AAK1: variants seen among roughly 807,000 people sequenced by gnomAD.
The protein encoded by AAK1 is AP2-associated protein kinase 1.
AAK1 carries 37 observed loss-of-function variants against 116.0 expected under a neutral mutation model. The ratio of observed to expected loss-of-function variants is 0.32; its 90% CI spans 0.25 to 0.42. The LOEUF is 0.42. Among genes scored for constraint, AAK1 ranks in the 10% least tolerant of loss-of-function variants. The pLI is 1.00. For synonymous variants in AAK1, 458 were observed against 439.9 expected (o/e 1.04, Z -0.51); for missense variants, 919 against 1,170.6 (o/e 0.79, Z 3.14).
At chr2:69,603,309 G>C (rs1326741125) in intron 2 of AAK1, among the ~76,000 whole-genome samples, 1 of 152,164 alleles carries the variant, frequency 6.6e-6, no homozygotes, top group Non-Finnish European at 1.5e-5. Flanking sequence ...ACACTGTGGA[G>C]TCTTTCAAGC....
intron 2 of AAK1, among the ~76,000 whole-genome samples, chr2:69,630,698 C>CTA (rs1217927386): frequency 6.6e-6 from 1 of 152,192 alleles, no homozygotes; most frequent in African/African-American, 2.4e-5. Context: ...AATTCTCATG[C>CTA]TTTTAAACCA....
At chr2:69,501,055 T>C (rs1373752845) in intron 16 of AAK1, among the ~76,000 whole-genome samples, 5 of 152,102 alleles carry the variant, frequency 3.3e-5, no homozygotes. Flanking sequence ...GCTTATTCTG[T>C]GACCCTCTTT....
rs75439138 is a variant in AAK1, at chr2:69,542,752, A to T, written c.392-87T>A. The T allele has an allele frequency of 1.8e-3, 2,715 of 1,482,714 alleles. 3 individuals carry two copies. The highest frequency in any genetic ancestry group is 2.4e-3 in the Non-Finnish European group (2,565 of 1,090,246). The allele number at this position is 1,482,714 out of a possible 1,614,324, so 91.8% of individuals were successfully genotyped here. On this transcript the variant is annotated intron_variant, in intron 4 of 21. Transcript: ENST00000409085. ...AAGAGAATGAACGGCGTCCAAAGAG[A>T]AGCAGTCTGGACTAAGGTAACAGAG...
intron 13 of AAK1, among the ~76,000 whole-genome samples, chr2:69,510,409 A>G (rs947623332): frequency 1.1e-4 from 16 of 152,194 alleles, no homozygotes; most frequent in African/African-American, 3.9e-4. Context: ...ATAGTATTCC[A>G]TGGTATATAT....
intron 11 of AAK1, among the ~76,000 whole-genome samples, chr2:69,520,503 C>A (rs200096287): frequency 6.6e-6 from 1 of 151,878 alleles, no homozygotes; most frequent in African/African-American, 2.4e-5. Flanking sequence ...GGACTACAGG[C>A]GCACACCACA....
At chr2:69,566,087 T>C (rs1572963227) in intron 2 of AAK1, among the ~76,000 whole-genome samples, 1 of 152,198 alleles carries the variant, frequency 6.6e-6, no homozygotes, top group South Asian at 2.1e-4. Flanking sequence ...GAGAGTGTCC[T>C]CTCCATGGTG....
At chr2:69,496,956 A>T (rs1270115289) in intron 16 of AAK1, among the ~76,000 whole-genome samples, 1 of 152,102 alleles carries the variant, frequency 6.6e-6, no homozygotes, top group Non-Finnish European at 1.5e-5. Context: ...CATTCATTCT[A>T]TATTTGGCAA....
intron 2 of AAK1, among the ~76,000 whole-genome samples, chr2:69,559,262 TCA>T (rs375580392): frequency 0.041 from 5,239 of 127,044 alleles, 130 homozygotes; most frequent in African/African-American, 0.064. Flanking sequence ...TCTCTCTCTC[TCA>T]CACACACACA....
At chr2:69,552,659 C>T (rs765849202) in intron 3 of AAK1, among the ~76,000 whole-genome samples, 3 of 151,630 alleles carry the variant, frequency 2.0e-5, no homozygotes, top group Admixed American at 6.6e-5. Context: ...TGCAGTGAGC[C>T]GGGATTGCAC....
chr2:69,472,721 C>T lies in AAK1; in HGVS notation c.*3148G>A, dbSNP rs1481556959. The T allele has an allele frequency of 1.0e-6, 1 of 985,244 alleles. No individual in the cohort carries two copies. The highest frequency in any genetic ancestry group is 1.2e-6 in the Non-Finnish European group (1 of 829,906). The allele number at this position is 985,244 out of a possible 1,614,324, so 61.0% of individuals were successfully genotyped here. ...TCCTCTTACATAGCTGGAATAAAAG[C>T]AAATCAGAAACATATGCTTATAGTA... is the stretch of plus-strand genomic sequence containing the variant. On this transcript the variant is annotated 3_prime_UTR_variant, in exon 22 of 22. Coordinates refer to ENST00000409085, the MANE Select transcript of AAK1 (RefSeq NM_014911.5).
At chr2:69,497,719 G>A (rs945238108) in intron 16 of AAK1, among the ~76,000 whole-genome samples, 1 of 151,458 alleles carries the variant, frequency 6.6e-6, no homozygotes, top group African/African-American at 2.4e-5. Flanking sequence ...TCTATAAAGT[G>A]GGTTTTTAAA....
intron 3 of AAK1, among the ~76,000 whole-genome samples, chr2:69,554,432 G>C (rs1671309002): frequency 6.6e-6 from 1 of 152,172 alleles, no homozygotes; most frequent in Non-Finnish European, 1.5e-5. Flanking sequence ...AGTTACATAG[G>C]AAAGGCATAG....
intron 18 of AAK1, chr2:69,481,840 C>CT (rs1675101058): frequency 6.6e-6 from 1 of 152,226 alleles, no homozygotes; most frequent in African/African-American, 2.4e-5. Context: ...AGATGGGTCT[C>CT]TGTCACTTAA....
intron 2 of AAK1, among the ~76,000 whole-genome samples, chr2:69,585,814 TA>T (rs954630750): frequency 2.0e-5 from 3 of 152,212 alleles, no homozygotes; most frequent in African/African-American, 7.2e-5. Flanking sequence ...CTTGTTTACA[TA>T]AACTTGAGAA....
chr2:69,627,187 G>C (rs138866402), intron 2 of AAK1, among the ~76,000 whole-genome samples: 4,355 of 151,994 alleles, frequency 0.029, 211 homozygotes, highest in African/African-American at 0.1. Context: ...TACTAGGAAG[G>C]CTGAGGCAGG....
At chr2:69,522,750 G>A (rs927145300) in intron 10 of AAK1, among the ~76,000 whole-genome samples, 3 of 151,446 alleles carry the variant, frequency 2.0e-5, no homozygotes. Flanking sequence ...GTTGCAGTGA[G>A]CCAAGATCAC....
rs1036147172 is a variant in AAK1, at chr2:69,466,624, C to T, written c.*9245G>A. ...TATTTGGAACATTTAATGGTCAACCCGCGGCAAAAACATTGTGGGACCAAA... is the reference window on the plus strand; with the variant it reads ...TATTTGGAACATTTAATGGTCAACCTGCGGCAAAAACATTGTGGGACCAAA... On this transcript the variant is annotated 3_prime_UTR_variant, in exon 22 of 22. Coordinates refer to ENST00000409085, the MANE Select transcript of AAK1 (RefSeq NM_014911.5). 1.3e-5 allele frequency: 14 copies of T among 1,082,964 alleles called. No individual in the cohort carries two copies. The highest frequency in any genetic ancestry group is 4.1e-4 in the Middle Eastern group (1 of 2,446). 67.1% of individuals were successfully genotyped at this position (1,082,964 alleles called of 1,614,324 possible). A position where few individuals can be genotyped will look rare whatever the true frequency, so the allele number is the denominator to read the frequency against.
chr2:69,614,811 A>G (rs1256886480), intron 2 of AAK1, among the ~76,000 whole-genome samples: 1 of 152,330 alleles, frequency 6.6e-6, no homozygotes, highest in Admixed American at 6.5e-5. Context: ...AGAGACACAC[A>G]GAAGAGGAGA....
In AAK1 at chr2:69,626,907, T is replaced by C. The variant is rs566119138; in HGVS notation, c.163+15971A>G. On this transcript the variant is annotated intron_variant, in intron 2 of 21. Transcript: ENST00000409085. ...CCTCCTTCATGTGCCTACTCTTTCATTCAACTGGTTTCTACTGAGCTCTGC... is the reference window on the plus strand; with the variant it reads ...CCTCCTTCATGTGCCTACTCTTTCACTCAACTGGTTTCTACTGAGCTCTGC... 8.5e-5 allele frequency among the ~76,000 whole-genome samples: 13 copies of C among 152,284 alleles called. No homozygotes were observed. In the South Asian group the frequency reaches 1.9e-3, roughly 22 times the overall value.
Sources: gnomAD v4.1 joint callset for allele counts (sites outside exome capture counted in the v4.1 genomes callset) on GRCh38, gnomAD v4.1.1 for gene constraint, MANE v1.5 for transcripts, NCBI Gene and HGNC (gene_info 2026-07-23, HGNC 2026-07-21) for gene names.